The following STPG2 variants were observed in gnomAD, a reference collection of about 807,000 sequenced individuals.
The protein encoded by STPG2 is sperm tail PG-rich repeat containing 2.
STPG2 carries 56 observed loss-of-function variants against 54.2 expected under a neutral mutation model. That is an observed-to-expected ratio of 1.03 (90% CI 0.83 to 1.29). STPG2 has a LOEUF of 1.29. Ranked by LOEUF, STPG2 falls within the 50% of genes most tolerant of loss-of-function variation. The pLI, the probability that STPG2 is intolerant of heterozygous loss-of-function variation, is 0.00. For synonymous variants in STPG2, 200 were observed against 181.8 expected (o/e 1.10, Z -0.81); for missense variants, 596 against 544.9 (o/e 1.09, Z -0.93).
intron 2 of STPG2, among the ~76,000 whole-genome samples, chr4:98,131,465 T>C (rs1418714010): frequency 6.6e-6 from 1 of 152,144 alleles, no homozygotes; most frequent in African/African-American, 2.4e-5. Flanking sequence ...ACACACGAAA[T>C]ATCTGCAATT....
At chr4:97,913,421 C>T (rs1364541308) in intron 8 of STPG2, among the ~76,000 whole-genome samples, 1 of 152,022 alleles carries the variant, frequency 6.6e-6, no homozygotes, top group Non-Finnish European at 1.5e-5. Flanking sequence ...ATTAGAAATC[C>T]AAGTTGAGAC....
At chr4:97,903,589 C>T (rs985359273) in intron 8 of STPG2, among the ~76,000 whole-genome samples, 1 of 152,088 alleles carries the variant, frequency 6.6e-6, no homozygotes, top group Non-Finnish European at 1.5e-5. Context: ...GACCGATTAA[C>T]AAAAAAAGAG....
At chr4:97,472,484 G>C (rs1479959171) in intron 4 of STPG2, among the ~76,000 whole-genome samples, 1 of 152,184 alleles carries the variant, frequency 6.6e-6, no homozygotes, top group Non-Finnish European at 1.5e-5. Context: ...AGCAAGGCCT[G>C]CTCTCAGGAA....
At chr4:97,669,815 A>G (rs1399299733) in intron 10 of STPG2, among the ~76,000 whole-genome samples, 2 of 26,290 alleles carry the variant, frequency 7.6e-5, no homozygotes, top group Non-Finnish European at 1.4e-4. Context: ...AAAAAAAAAA[A>G]AAAAGAAAGT....
chr4:97,922,342 TAAC>T (rs981002094), intron 8 of STPG2, among the ~76,000 whole-genome samples: 3 of 152,236 alleles, frequency 2.0e-5, no homozygotes, highest in East Asian at 3.9e-4. Context: ...ATGTAACAGT[TAAC>T]AACAACCATA....
At chr4:97,617,662 T>C (rs1733909078) in intron 10 of STPG2, among the ~76,000 whole-genome samples, 1 of 152,142 alleles carries the variant, frequency 6.6e-6, no homozygotes, top group South Asian at 2.1e-4. Flanking sequence ...GATATGCTAG[T>C]AAGATACACA....
chr4:98,044,888 G>A (rs1737075600), intron 5 of STPG2, among the ~76,000 whole-genome samples: 1 of 152,106 alleles, frequency 6.6e-6, no homozygotes, highest in Non-Finnish European at 1.5e-5. Flanking sequence ...GAAGGCTGAG[G>A]CTTGGCCATC....
At chr4:97,636,944 C>A (rs1195346427) in intron 10 of STPG2, among the ~76,000 whole-genome samples, 15 of 146,800 alleles carry the variant, frequency 1.0e-4, no homozygotes, top group Middle Eastern at 7.2e-3. Context: ...TCCTTCTGAA[C>A]CTATTCCAAT....
intron 10 of STPG2, among the ~76,000 whole-genome samples, chr4:97,691,527 G>A (rs762087381): frequency 1.5e-4 from 23 of 151,940 alleles, no homozygotes; most frequent in Admixed American, 3.3e-4. Flanking sequence ...AGCAAGCCCT[G>A]CCCAAGGAGA....
intron 8 of STPG2, among the ~76,000 whole-genome samples, chr4:97,939,069 A>G (rs1732873238): frequency 6.6e-6 from 1 of 152,078 alleles, no homozygotes. Context: ...TTATTTACCC[A>G]AAAGTCATTC....
intron 5 of STPG2, among the ~76,000 whole-genome samples, chr4:98,090,959 C>CTACACACACACACAAATACA (rs138313491): frequency 6.6e-6 from 1 of 151,326 alleles, no homozygotes; most frequent in South Asian, 2.1e-4. Flanking sequence ...CTACACACAG[C>CTACACACACACACAAATACA]TACACACACA....
At position 97,470,428 on chromosome 4, in the gene STPG2, C is replaced by T. The variant is rs147027795; in HGVS notation, c.462+242271G>A. ...TATATTTTTCCTAAAATATATTATA[C>T]TAGCTTTCAAAATACATTATACAAC... On this transcript the variant is annotated intron_variant, in intron 4 of 4. Coordinates refer to the STPG2 transcript ENST00000522676. 6.0e-4 allele frequency among the ~76,000 whole-genome samples: 91 copies of T among 152,086 alleles called. No individual in the cohort carries two copies. In the East Asian group the frequency reaches 0.016, roughly 26 times the overall value.
chr4:97,559,422 T>C (rs1376364066), intron 10 of STPG2, among the ~76,000 whole-genome samples: 1 of 152,196 alleles, frequency 6.6e-6, no homozygotes, highest in Non-Finnish European at 1.5e-5. Flanking sequence ...CCCACACATG[T>C]AGCAAACAGC....
chr4:97,455,474 T>C (rs1729491663), intron 4 of STPG2, among the ~76,000 whole-genome samples: 1 of 152,026 alleles, frequency 6.6e-6, no homozygotes, highest in South Asian at 2.1e-4. Context: ...CAGCAGATGT[T>C]GGCAGGCCAT....
chr4:97,572,897 A>T (rs1245738886), intron 10 of STPG2, among the ~76,000 whole-genome samples: 1 of 152,174 alleles, frequency 6.6e-6, no homozygotes, highest in Non-Finnish European at 1.5e-5. Context: ...ACCTACTATT[A>T]TTCAAATTCA....
At chr4:97,834,819 C>G (rs1419364994) in intron 9 of STPG2, among the ~76,000 whole-genome samples, 2 of 152,006 alleles carry the variant, frequency 1.3e-5, no homozygotes, top group Non-Finnish European at 2.9e-5. Context: ...ATTGCCCTGA[C>G]CATACCTACA....
At chr4:97,796,088 T>G (rs1727166070) in intron 9 of STPG2, among the ~76,000 whole-genome samples, 1 of 152,232 alleles carries the variant, frequency 6.6e-6, no homozygotes, top group South Asian at 2.1e-4. Context: ...TCTTTGTAGA[T>G]TCTGGATATT....
At chr4:98,002,895 A>C (rs1735455366) in intron 5 of STPG2, among the ~76,000 whole-genome samples, 1 of 152,104 alleles carries the variant, frequency 6.6e-6, no homozygotes, top group South Asian at 2.1e-4. Context: ...TGGTAATAAA[A>C]ACCAGCCATA....
chr4:97,636,827 A>C (rs1036558260), intron 10 of STPG2, among the ~76,000 whole-genome samples: 1 of 151,494 alleles, frequency 6.6e-6, no homozygotes, highest in Admixed American at 6.6e-5. Flanking sequence ...CAATAACAGG[A>C]TCTGAAATTG....
Sources: allele counts gnomAD v4.1 joint callset (sites outside exome capture counted in the v4.1 genomes callset), GRCh38; gene constraint gnomAD v4.1.1; transcripts MANE v1.5; gene names NCBI Gene and HGNC (gene_info 2026-07-23, HGNC 2026-07-21).